Variants in FLNC observed in about 807,000 individuals in gnomAD.
FLNC encodes filamin C.
A neutral mutation model predicts 254.3 loss-of-function variants in FLNC; 91 were observed. The observed-to-expected ratio is 0.36, with a 90% CI of 0.30 to 0.43. The LOEUF is 0.43. FLNC is among the 20% of genes least tolerant of loss of function. The pLI is 1.00. For missense variants in FLNC, 2,853 were observed against 3,802.6 expected, an observed-to-expected ratio of 0.75 and a Z score of 6.57; for synonymous variants, 1,430 against 1,577.2, an observed-to-expected ratio of 0.91 and a Z score of 2.21.
At chr7:128,850,504 G>A (rs2128938118) in intron 32 of FLNC, 21 bp downstream of exon 32, 1 of 1,579,632 alleles carries the variant, frequency 6.3e-7, no homozygotes, top group Middle Eastern at 2.0e-4. Context: ...GTGGCTCCCA[G>A]GCATGAGGGC....
At position 128,856,737 on chromosome 7, in the gene FLNC, A is replaced by G. The variant is rs1809078430; in HGVS notation, c.7385-8A>G. 6.2e-7 allele frequency: 1 copy of G among 1,614,050 alleles called. No individual in the cohort carries two copies. The highest frequency in any genetic ancestry group is 8.5e-7 in the Non-Finnish European group (1 of 1,180,014). ...ATGGAGGCTAAGCCACCAACCCTTTATCCACAGACAAGCACACCATCCGCT... is the reference window on the plus strand; with the variant it reads ...ATGGAGGCTAAGCCACCAACCCTTTGTCCACAGACAAGCACACCATCCGCT... On this transcript the variant is annotated splice_polypyrimidine_tract_variant and splice_region_variant and intron_variant, in intron 44 of 47. Transcript: ENST00000325888. The surrounding 1 kb of genome is among the most constrained non-coding windows in gnomAD (Gnocchi z 5.9).
At chr7:128,831,766 A>G (rs1377171020) in intron 1 of FLNC, among the ~76,000 whole-genome samples, 1 of 141,266 alleles carries the variant, frequency 7.1e-6, no homozygotes. Context: ...GAAGGGAGGA[A>G]GTCTTTGAGT....
chr7:128,839,964 G>A, intron 8 of FLNC, 59 bp from the exon 9 acceptor site: 3 of 1,596,530 alleles, frequency 1.9e-6, no homozygotes, highest in Non-Finnish European at 1.7e-6. Context: ...ACAGGGAGGT[G>A]GGGGCTAGTG....
At chr7:128,832,825 A>G (rs553175623) in intron 1 of FLNC, among the ~76,000 whole-genome samples, 10 of 152,306 alleles carry the variant, frequency 6.6e-5, no homozygotes, top group African/African-American at 2.2e-4. Context: ...GGACACCGGC[A>G]GCGACCAGCT....
At chr7:128,838,231 T>A (rs1266067212) in intron 6 of FLNC, 36 bp from the exon 7 acceptor site, 1 of 1,609,316 alleles carries the variant, frequency 6.2e-7, no homozygotes, top group South Asian at 1.1e-5. Flanking sequence ...AGGACTGCTC[T>A]CCCCTAGAAG....
chr7:128,853,672 TG>T, intron 38 of FLNC, 42 bp from the exon 39 acceptor site: 1 of 1,613,990 alleles, frequency 6.2e-7, no homozygotes, highest in Non-Finnish European at 8.5e-7. Flanking sequence ...GCCAGGAGGC[TG>T]GGGCTCTGAG....
Position 128,830,903 on chromosome 7 carries a change from G to A in FLNC, c.266G>A (p.Arg89His), listed in dbSNP as rs1554396410. ...QKRMYRKFHP[R>H]PNFRQMKLEN... ...CGCATGTACCGCAAGTTCCATCCGCGCCCCAACTTCCGCCAAATGAAGCTG... is the reference window on the plus strand; with the variant it reads ...CGCATGTACCGCAAGTTCCATCCGCACCCCAACTTCCGCCAAATGAAGCTG... Residue 89 changes from arginine to histidine, a missense_variant, in exon 1 of 48, where the codon CGC becomes CAC. By Grantham distance (29) the Arg-to-His change is conservative. This residue lies in a region of FLNC where 59 missense variants were observed against 59.8 expected (regional missense o/e 0.99). Coordinates refer to ENST00000325888, the MANE Select transcript of FLNC (RefSeq NM_001458.5). 6.2e-7 allele frequency: 1 copy of A among 1,613,096 alleles called. No individual in the cohort carries two copies.
intron 1 of FLNC, among the ~76,000 whole-genome samples, chr7:128,831,939 C>T (rs531152406): frequency 6.6e-6 from 1 of 152,224 alleles, no homozygotes; most frequent in East Asian, 1.9e-4. Flanking sequence ...GATCCCCCCG[C>T]CCACCCCTGT....
intron 1 of FLNC, 70 bp downstream of exon 1, chr7:128,831,059 C>A: frequency 7.0e-7 from 1 of 1,438,358 alleles, no homozygotes. Context: ...GGCACAGGTG[C>A]GGGGTGGGCG....
rs1382075839 is a variant in FLNC, at chr7:128,856,261, T to C, written c.7252-257T>C. 1.3e-5 allele frequency among the ~76,000 whole-genome samples: 2 copies of C among 152,192 alleles called. No homozygotes were observed. Among genetic ancestry groups the C allele is most frequent in the Non-Finnish European group, 2.9e-5 (2 of 68,028 alleles). ...CACACAGAGTGGGGCCCTTCCTTCC[T>C]CAGCCAGGACAGGGCACATCGTCTG... On this transcript the variant is annotated intron_variant, in intron 43 of 47. Coordinates refer to ENST00000325888, the MANE Select transcript of FLNC (RefSeq NM_001458.5). The surrounding 1 kb of genome is among the most constrained non-coding windows in gnomAD (Gnocchi z 5.9).
rs1184909389 is a variant in FLNC at position 128,850,087 on chromosome 7, C to T, written c.5298+13C>T. 7 of 1,515,738 alleles carry T rather than the reference C, an allele frequency of 4.6e-6. No homozygotes were observed. In the East Asian group the frequency reaches 1.7e-4, roughly 37 times the overall value. 93.9% of individuals were successfully genotyped at this position (1,515,738 alleles called of 1,614,324 possible). On this transcript the variant is annotated intron_variant, in intron 31 of 47. Coordinates refer to ENST00000325888, the MANE Select transcript of FLNC (RefSeq NM_001458.5). ...CCCCACACACTGGGTACTGCGCCTCCCACCAGGCGATGTCCTCCTCCTCCT... is the reference window on the plus strand; with the variant it reads ...CCCCACACACTGGGTACTGCGCCTCTCACCAGGCGATGTCCTCCTCCTCCT...
In FLNC at chr7:128,854,765, C is replaced by T. The variant is rs1427937152; in HGVS notation, c.6998-10C>T. On this transcript the variant is annotated splice_polypyrimidine_tract_variant and intron_variant, in intron 41 of 47. Transcript: ENST00000325888. ...ATGATGCTGAAGTCCACTACCTTGC[C>T]TGTCCCCAGCCGAGTTCAGCATCTG... is the stretch of plus-strand genomic sequence containing the variant. The T allele has an allele frequency of 6.2e-7, 1 of 1,613,966 alleles. No homozygotes were observed. Among genetic ancestry groups the T allele is most frequent in the Non-Finnish European group, 8.5e-7 (1 of 1,180,040 alleles).
chr7:128,854,346 T>C (rs1585169567), intron 40 of FLNC, 67 bp from the exon 41 acceptor site: 3 of 1,596,384 alleles, frequency 1.9e-6, no homozygotes, highest in Non-Finnish European at 1.7e-6. Context: ...GTTTAACTGA[T>C]GGGGGAGGGA....
Position 128,851,192 on chromosome 7 carries a change from C to T in FLNC, c.5540-40C>T, listed in dbSNP as rs1441278829. 5.6e-6 allele frequency: 9 copies of T among 1,613,454 alleles called. 1 individual carries two copies. In the South Asian group the frequency reaches 9.9e-5, roughly 18 times the overall value. On this transcript the variant is annotated intron_variant, in intron 33 of 47. Coordinates refer to ENST00000325888, the MANE Select transcript of FLNC (RefSeq NM_001458.5). ...GGGGCCAAGGTGGGCTCAGATAATC[C>T]CTGATGCTGACCCAGCCCCCTTTTT...
In FLNC at chr7:128,844,321, G is replaced by A. The variant is rs1056901035; in HGVS notation, c.3192+55G>A. The A allele has an allele frequency of 6.4e-6, 10 of 1,551,986 alleles. No individual in the cohort carries two copies. In the African/African-American group the frequency reaches 1.2e-4, roughly 19 times the overall value. ...GAGTTGGGGACTTGTTGGGAAGATA[G>A]ATGAGTCATAGGGGGCAGAGGCCAG... On this transcript the variant is annotated intron_variant, in intron 20 of 47. Transcript: ENST00000325888.
At chr7:128,834,945 G>A (rs1808038932) in intron 1 of FLNC, among the ~76,000 whole-genome samples, 1 of 152,192 alleles carries the variant, frequency 6.6e-6, no homozygotes, top group Admixed American at 6.5e-5. Flanking sequence ...TCTAGCATGT[G>A]CAGTTTGCTG....
intron 1 of FLNC, among the ~76,000 whole-genome samples, chr7:128,834,658 T>A (rs894862142): frequency 1.3e-5 from 2 of 152,100 alleles, no homozygotes; most frequent in African/African-American, 4.8e-5. Context: ...TAAAACCTAG[T>A]GTCTAGAGTG....
Position 128,856,142 on chromosome 7 carries a change from A to C in FLNC, c.7252-376A>C, listed in dbSNP as rs1319060445. Among the ~76,000 whole-genome samples the C allele has an allele frequency of 6.6e-6, 1 of 152,158 alleles. No individual in the cohort carries two copies. The highest frequency in any genetic ancestry group is 1.5e-5 in the Non-Finnish European group (1 of 68,032). On this transcript the variant is annotated intron_variant, in intron 43 of 47. Transcript: ENST00000325888. The surrounding 1 kb of genome is among the most constrained non-coding windows in gnomAD (Gnocchi z 5.9). ...CTTCTCCAGGAAGCTCTCCCAGGCC[A>C]GGCCAGTGAAACTCAGCTTCCTACC...
chr7:128,853,111 T>G, intron 37 of FLNC, 80 bp downstream of exon 37: 1 of 1,363,062 alleles, frequency 7.3e-7, no homozygotes, highest in Non-Finnish European at 1.0e-6. Context: ...AGCACCCCCT[T>G]GGCCGCACTC....
Sources: gnomAD v4.1 joint callset for allele counts (sites outside exome capture counted in the v4.1 genomes callset) on GRCh38, gnomAD v4.1.1 for gene constraint, gnomAD v4.1.1 regional missense constraint, Gnocchi (gnomAD v3.1) non-coding constraint, MANE v1.5 for transcripts, NCBI Gene and HGNC (gene_info 2026-07-23, HGNC 2026-07-21) for gene names.